ZKSCAN2: variants seen among roughly 807,000 people sequenced by gnomAD.
The protein encoded by ZKSCAN2 is zinc finger protein with KRAB and SCAN domains 2.
A neutral mutation model predicts 90.5 loss-of-function variants in ZKSCAN2; 38 were observed. The observed-to-expected ratio is 0.42, with a 90% confidence interval of 0.32 to 0.55. The LOEUF (loss-of-function observed/expected upper bound fraction) is 0.55, where lower values mean the gene tolerates loss of function less well. ZKSCAN2 is among the 20% of genes least tolerant of loss of function. ZKSCAN2 has a pLI of 0.11. For missense variants in ZKSCAN2, 1,167 were observed against 1,202.6 expected (o/e 0.97, Z 0.44); for synonymous variants, 429 against 421.6 (o/e 1.02, Z -0.22).
rs1434399686 is a variant in ZKSCAN2, at chr16:25,257,107, A to G, written c.21T>C (p.Ser7=). 2 of 1,605,838 alleles carry G rather than the reference A, an allele frequency of 1.2e-6. No individual in the cohort carries two copies. Among genetic ancestry groups the G allele is most frequent in the African/African-American group, 2.7e-5 (2 of 74,722 alleles). The change falls in exon 1 of 7, where the codon TCT becomes TCC. Residue 7 remains serine (S), a synonymous_variant. Transcript: ENST00000328086. MAVALD[S]QIDAPLEVEG... Reference sequence around the variant, plus strand: ...CAACCTCCAGGGGCGCGTCGATCTGAGAGTCGAGGGCGACAGCCATGCTGC... The same window carrying G: ...CAACCTCCAGGGGCGCGTCGATCTGGGAGTCGAGGGCGACAGCCATGCTGC...
In ZKSCAN2 at chr16:25,246,924, A is replaced by G. The variant is rs777150253; in HGVS notation, c.1272T>C (p.Ala424=). ...EPCAFFEDMD[A]LLNPAARAPS... ...GAGCACGGGCTGCAGGGTTCAACAAAGCATCCATGTCCTCAAAGAAGGCGC... is the reference window on the plus strand; with the variant it reads ...GAGCACGGGCTGCAGGGTTCAACAAGGCATCCATGTCCTCAAAGAAGGCGC... Residue 424 remains alanine (A), a synonymous_variant, in exon 5 of 7, where the codon GCT becomes GCC. Transcript: ENST00000328086. 1 of 1,614,108 alleles carries G rather than the reference A, an allele frequency of 6.2e-7. No homozygotes were observed. The highest frequency in any genetic ancestry group is 8.5e-7 in the Non-Finnish European group (1 of 1,180,012).
chr16:25,240,243 G>C lies in ZKSCAN2; in HGVS notation c.2477C>G (p.Thr826Arg), dbSNP rs749636452. Residue 826 changes from threonine (T) to arginine (R), a missense_variant, in exon 7 of 7, where the codon ACA (threonine) becomes AGA (arginine). Physicochemically the swap from Thr to Arg is moderately conservative, Grantham distance 71. Coordinates refer to ENST00000328086, the MANE Select transcript of ZKSCAN2 (RefSeq NM_001012981.5). ...SNFGAHQRIH[T>R]GEKPYRCGEC... ...TCCGCATCTGTAGGGTTTCTCTCCT[G>C]TGTGGATTCTCTGGTGGGCACCAAA... 5.0e-6 allele frequency: 8 copies of C among 1,614,024 alleles called. No homozygotes were observed. Among genetic ancestry groups the C allele is most frequent in the Non-Finnish European group, 5.9e-6 (7 of 1,180,042 alleles).
chr16:25,247,281 G>A lies in ZKSCAN2; in HGVS notation c.915C>T (p.Tyr305=), dbSNP rs780439453. The change falls in exon 5 of 7, where the codon TAC becomes TAT. Residue 305 remains tyrosine, a synonymous_variant. Transcript: ENST00000328086. The stretch of plus-strand genomic sequence containing the variant: ...TAGCATGAACTGACTTTTCCTTGAC[G>A]TAGTTGCTTCGTAGGATACTTCTCT... ...SNKRSILRSN[Y]VKEKSVHAIQ... 19 of 1,614,024 alleles carry A rather than the reference G, an allele frequency of 1.2e-5. No homozygotes were observed. Among genetic ancestry groups the A allele is most frequent in the African/African-American group, 4.0e-5 (3 of 74,906 alleles).
Position 25,257,588 on chromosome 16 carries a change from T to C in ZKSCAN2, c.-461A>G, listed in dbSNP as rs960413265. On this transcript the variant is annotated 5_prime_UTR_variant, in exon 1 of 7. Transcript: ENST00000328086. ...CCCCGCCCGGCGCCAGGTTCCGGGC[T>C]CGGGTCACCGCAGCACGTCCAGGCC... The C allele has an allele frequency of 1.2e-6, 1 of 866,284 alleles. No homozygotes were observed. Among genetic ancestry groups the C allele is most frequent in the Non-Finnish European group, 1.4e-6 (1 of 721,186 alleles). 53.7% of individuals were successfully genotyped at this position (866,284 alleles called of 1,614,324 possible). A position where few individuals can be genotyped will look rare whatever the true frequency, so the allele number is the denominator to read the frequency against.
intron 2 of ZKSCAN2, among the ~76,000 whole-genome samples, chr16:25,254,956 G>T (rs192914548): frequency 0.012 from 1,839 of 149,844 alleles, 43 homozygotes; most frequent in African/African-American, 0.042. Context: ...AACACACCTG[G>T]CTAATATTTT....
At chr16:25,245,302 G>A (rs1421605084) in intron 5 of ZKSCAN2, among the ~76,000 whole-genome samples, 2 of 151,948 alleles carry the variant, frequency 1.3e-5, no homozygotes, top group African/African-American at 2.4e-5. Context: ...ACGGAGTCTC[G>A]CTGTGTTGCC....
chr16:25,246,433 T>C (rs1447632944), intron 5 of ZKSCAN2: 2 of 508,672 alleles, frequency 3.9e-6, no homozygotes, highest in South Asian at 2.8e-5. Flanking sequence ...TGTAACTCCA[T>C]TTGTCTTCCT....
At chr16:25,244,349 GA>G in intron 5 of ZKSCAN2, 73 bp from the exon 6 acceptor site, 1 of 1,480,378 alleles carries the variant, frequency 6.8e-7, no homozygotes, top group Non-Finnish European at 9.1e-7. Context: ...TATACATTAA[GA>G]AATGTAGAGG....
chr16:25,241,722 G>C (rs1421661148), intron 6 of ZKSCAN2, among the ~76,000 whole-genome samples: 1 of 152,168 alleles, frequency 6.6e-6, no homozygotes, highest in African/African-American at 2.4e-5. Flanking sequence ...CTCCTGCCTT[G>C]TTTCTACTGC....
chr16:25,243,722 C>A, intron 6 of ZKSCAN2, 63 bp downstream of exon 6: 1 of 1,337,364 alleles, frequency 7.5e-7, no homozygotes, highest in South Asian at 1.5e-5. Context: ...AAGATCTACT[C>A]ATTTTTCAGT....
At chr16:25,250,707 A>C (rs971632235) in intron 4 of ZKSCAN2, among the ~76,000 whole-genome samples, 1 of 152,168 alleles carries the variant, frequency 6.6e-6, no homozygotes, top group African/African-American at 2.4e-5. Context: ...AAAATCATCA[A>C]GTTGCAATAT....
intron 2 of ZKSCAN2, among the ~76,000 whole-genome samples, chr16:25,253,299 T>C (rs1056722183): frequency 9.9e-5 from 15 of 152,084 alleles, no homozygotes; most frequent in Admixed American, 2.6e-4. Context: ...ACACATCTGA[T>C]TGAAAGGGCA....
At position 25,240,737 on chromosome 16, in the gene ZKSCAN2, ATCTG is replaced by A; in HGVS notation, c.1982-3_1982del. The A allele has an allele frequency of 1.2e-6, 2 of 1,600,866 alleles. No individual in the cohort carries two copies. The highest frequency in any genetic ancestry group is 1.7e-5 in the Admixed American group (1 of 58,366). On this transcript the variant is annotated splice_acceptor_variant and splice_polypyrimidine_tract_variant and coding_sequence_variant and intron_variant, in exon 7 of 7. Transcript: ENST00000328086. LOFTEE classifies it high-confidence loss of function. ...CCTTGATGCTACTTCCGATTTCAAA[ATCTG>A]AAAAAATGAAAGACAATACAAATTT... is the stretch of plus-strand genomic sequence containing the variant.
chr16:25,255,437 A>C, intron 1 of ZKSCAN2, 45 bp from the exon 2 acceptor site: 1 of 1,559,586 alleles, frequency 6.4e-7, no homozygotes, highest in Non-Finnish European at 8.6e-7. Flanking sequence ...AAACAGGCCC[A>C]TATCAGGGCG....
chr16:25,252,145 C>G (rs1193104783), intron 3 of ZKSCAN2, 110 bp from the exon 4 acceptor site: 7 of 1,273,124 alleles, frequency 5.5e-6, no homozygotes, highest in Non-Finnish European at 6.5e-6. Flanking sequence ...AATCAAGGAA[C>G]AAGTGGATAG....
Position 25,251,958 on chromosome 16 carries a change from G to A in ZKSCAN2, c.756C>T (p.Asp252=). The stretch of plus-strand genomic sequence containing the variant: ...TCTCCTTCCTGAAATCCCGGTAGAG[G>A]TCCCTTTGGGCAGGAATCTGATGCA... ...KSVHQIPAQR[D]LYRDFRKENV... is the part of the protein sequence containing the mutation. Residue 252 remains aspartate (D), a synonymous_variant, in exon 4 of 7, where the codon GAC becomes GAT. Transcript: ENST00000328086. The A allele has an allele frequency of 1.2e-6, 2 of 1,614,024 alleles. No individual in the cohort carries two copies. Among genetic ancestry groups the A allele is most frequent in the Non-Finnish European group, 1.7e-6 (2 of 1,179,970 alleles).
In ZKSCAN2 at chr16:25,239,071, G is replaced by A. The variant is rs1469806575; in HGVS notation, c.*745C>T. ...AACTGAGAGGCAAGTGCAGGGCTAT[G>A]AGAAACAGTAGGAGGACCTGGGATT... is the stretch of plus-strand genomic sequence containing the variant. On this transcript the variant is annotated 3_prime_UTR_variant, in exon 7 of 7. Coordinates refer to ENST00000328086, the MANE Select transcript of ZKSCAN2 (RefSeq NM_001012981.5). 1 of 152,770 alleles carries A rather than the reference G, an allele frequency of 6.5e-6. No homozygotes were observed. Among genetic ancestry groups the A allele is most frequent in the Non-Finnish European group, 1.5e-5 (1 of 68,186 alleles). 9.5% of individuals were successfully genotyped at this position (152,770 alleles called of 1,614,324 possible).
At chr16:25,255,467 A>G (rs142572143) in intron 1 of ZKSCAN2, 75 bp from the exon 2 acceptor site, 3 of 1,461,968 alleles carry the variant, frequency 2.1e-6, no homozygotes, top group African/African-American at 2.8e-5. Flanking sequence ...CAGGAAAGAC[A>G]TCAAAGAAGG....
intron 3 of ZKSCAN2, 127 bp from the exon 4 acceptor site, chr16:25,252,162 C>A: frequency 4.0e-6 from 4 of 1,009,280 alleles, no homozygotes; most frequent in East Asian, 2.5e-5. Context: ...ATAGTTTGCG[C>A]CAAATGAAGC....
Sources: gnomAD v4.1 joint callset for allele counts (sites outside exome capture counted in the v4.1 genomes callset) on GRCh38, gnomAD v4.1.1 for gene constraint, MANE v1.5 for transcripts, NCBI Gene and HGNC (gene_info 2026-07-23, HGNC 2026-07-21) for gene names.